ZDHHC18: variants seen among roughly 807,000 people sequenced by gnomAD.
The protein encoded by ZDHHC18 is palmitoyltransferase ZDHHC18.
In ZDHHC18, 23 loss-of-function variants were observed where a neutral mutation model predicts 37.5. That is an observed-to-expected ratio of 0.61 (90% CI 0.44 to 0.87). The LOEUF is 0.87. ZDHHC18 is among the 40% of genes least tolerant of loss of function. The probability of loss-of-function intolerance (pLI) is 0.00; values close to 1 mark genes in which losing one functional copy is unlikely to be tolerated. For synonymous variants in ZDHHC18, 185 were observed against 218.7 expected, an observed-to-expected ratio of 0.85 and a Z score of 1.36; for missense variants, 406 against 525.6, an observed-to-expected ratio of 0.77 and a Z score of 2.22.
intron 2 of ZDHHC18, among the ~76,000 whole-genome samples, chr1:26,842,826 A>G (rs2081645455): frequency 6.6e-6 from 1 of 152,256 alleles, no homozygotes; most frequent in Non-Finnish European, 1.5e-5. Flanking sequence ...TGCCTGGCAC[A>G]TTGGTAGGCA....
At position 26,840,543 on chromosome 1, in the gene ZDHHC18, C is replaced by T. The variant is rs183370365; in HGVS notation, c.496+7936C>T. ...TCAACTTCCACCTCCTGGGTTCAAG[C>T]GATTCTTCCTGCCTCAGCCTCCCGA... On this transcript the variant is annotated intron_variant, in intron 2 of 7. Coordinates refer to ENST00000374142, the MANE Select transcript of ZDHHC18 (RefSeq NM_032283.3). 8.6e-5 allele frequency among the ~76,000 whole-genome samples: 13 copies of T among 151,278 alleles called. No homozygotes were observed. The East Asian group carries it at 2.2e-3, about 25-fold the overall frequency.
At chr1:26,851,424 C>A (rs181714699) in intron 6 of ZDHHC18, among the ~76,000 whole-genome samples, 193 bp downstream of exon 6, 1 of 152,352 alleles carries the variant, frequency 6.6e-6, no homozygotes, top group East Asian at 1.9e-4. Flanking sequence ...GACACCTCCA[C>A]ATGCTTCATT....
intron 7 of ZDHHC18, 141 bp downstream of exon 7, chr1:26,853,006 G>A (rs895199380): frequency 5.0e-5 from 32 of 642,494 alleles, no homozygotes; most frequent in African/African-American, 4.4e-4. Context: ...GTCATGTGAC[G>A]GAATTCCATG....
At position 26,850,377 on chromosome 1, in the gene ZDHHC18, T is replaced by G; in HGVS notation, c.723T>G (p.Ile241Met). ...ACTATCGCTTCTTCTACGCGTTTAT[T>G]CTCTCCCTCTCATTCCTGACGGCCT... ...RRNYRFFYAF[I>M]LSLSFLTAFI... The change falls in exon 4 of 8, where the codon ATT becomes ATG. Residue 241 changes from isoleucine to methionine, a missense_variant. Physicochemically the swap from Ile to Met is conservative, Grantham distance 10. Coordinates refer to ENST00000374142, the MANE Select transcript of ZDHHC18 (RefSeq NM_032283.3). This position sits in a 1 kb window ranked among gnomAD's most constrained non-coding sequence, Gnocchi z 6.1. The G allele has an allele frequency of 6.2e-7, 1 of 1,614,248 alleles. No homozygotes were observed. Among genetic ancestry groups the G allele is most frequent in the Non-Finnish European group, 8.5e-7 (1 of 1,180,042 alleles).
chr1:26,853,596 C>T (rs552788470), intron 7 of ZDHHC18, 130 bp from the exon 8 acceptor site: 2 of 870,406 alleles, frequency 2.3e-6, no homozygotes, highest in Admixed American at 2.1e-5. Context: ...AGATGGGCAG[C>T]AGCTCTCCTT....
Position 26,850,221 on chromosome 1 carries a change from A to G in ZDHHC18, c.647-80A>G, listed in dbSNP as rs1485750739. The stretch of plus-strand genomic sequence containing the variant: ...AGAGTGAACGGGGTAGGAAAGCCCC[A>G]GCCATGGGTGAGGCCGCCAAATGCC... On this transcript the variant is annotated intron_variant, in intron 3 of 7. Transcript: ENST00000374142. The surrounding 1 kb of genome is among the most constrained non-coding windows in gnomAD (Gnocchi z 6.1). 1 of 1,546,974 alleles carries G rather than the reference A, an allele frequency of 6.5e-7. No individual in the cohort carries two copies. The highest frequency in any genetic ancestry group is 8.8e-7 in the Non-Finnish European group (1 of 1,142,068).
rs1332626918 is a variant in ZDHHC18, at chr1:26,856,541, G to A, written c.*2698G>A. Reference sequence around the variant, plus strand: ...AAGAGGAGGTGGAGGGTGAGGCTGGGGAGAGGATGGCGAACCTGCCCTGAG... The same window carrying A: ...AAGAGGAGGTGGAGGGTGAGGCTGGAGAGAGGATGGCGAACCTGCCCTGAG... On this transcript the variant is annotated 3_prime_UTR_variant, in exon 8 of 8. Transcript: ENST00000374142. This position sits in a 1 kb window ranked among gnomAD's most constrained non-coding sequence, Gnocchi z 5.2. 1.5e-5 allele frequency: 3 copies of A among 206,848 alleles called. No individual in the cohort carries two copies. The highest frequency in any genetic ancestry group is 1.4e-4 in the Admixed American group (3 of 20,754). 12.8% of individuals were successfully genotyped at this position (206,848 alleles called of 1,614,324 possible). A position where few individuals can be genotyped will look rare whatever the true frequency, so the allele number is the denominator to read the frequency against.
chr1:26,850,990 T>C lies in ZDHHC18; in HGVS notation c.834-139T>C. ...CCCAGGAGGTGATCCTGCTAAGAAG[T>C]GGGGACTGGGCCACAGGAAGGTTCC... On this transcript the variant is annotated intron_variant, in intron 5 of 7. Transcript: ENST00000374142. This position sits in a 1 kb window ranked among gnomAD's most constrained non-coding sequence, Gnocchi z 6.1. 1 of 774,592 alleles carries C rather than the reference T, an allele frequency of 1.3e-6. No homozygotes were observed. The highest frequency in any genetic ancestry group is 2.2e-6 in the Non-Finnish European group (1 of 464,486). The allele number at this position is 774,592 out of a possible 1,614,324, so 48.0% of individuals were successfully genotyped here.
chr1:26,846,274 G>A (rs1264415928), intron 2 of ZDHHC18, among the ~76,000 whole-genome samples: 19 of 70,024 alleles, frequency 2.7e-4, no homozygotes, highest in African/African-American at 9.8e-4. Flanking sequence ...AGAGATATAT[G>A]TGTGTGTGTG....
chr1:26,832,384 G>C, intron 1 of ZDHHC18, 63 bp from the exon 2 acceptor site: 2 of 1,596,988 alleles, frequency 1.3e-6, no homozygotes, highest in Non-Finnish European at 1.7e-6. Context: ...GCCACGTGCT[G>C]TAGCCCTGTG....
chr1:26,833,364 T>C (rs2081596624), intron 2 of ZDHHC18, among the ~76,000 whole-genome samples: 2 of 152,132 alleles, frequency 1.3e-5, no homozygotes, highest in African/African-American at 4.8e-5. Flanking sequence ...AGATGAGGGC[T>C]TGACGGTGGG....
rs2081738975 is a variant in ZDHHC18 at position 26,857,199 on chromosome 1, G to A, written c.*3356G>A. ...GTGAGGTGTCAAGACTAGGAATCTG[G>A]CCTTAGAGCCTGCCCCTCCACCCCC... On this transcript the variant is annotated 3_prime_UTR_variant, in exon 8 of 8. Transcript: ENST00000374142. 1 of 152,362 alleles carries A rather than the reference G, an allele frequency of 6.6e-6. No individual in the cohort carries two copies. The highest frequency in any genetic ancestry group is 2.1e-4 in the South Asian group (1 of 4,838). The allele number at this position is 152,362 out of a possible 1,614,324, so 9.4% of individuals were successfully genotyped here.
Position 26,850,218 on chromosome 1 carries a change from C to T in ZDHHC18, c.647-83C>T. ...GCGAGAGTGAACGGGGTAGGAAAGC[C>T]CCAGCCATGGGTGAGGCCGCCAAAT... On this transcript the variant is annotated intron_variant, in intron 3 of 7. Coordinates refer to ENST00000374142, the MANE Select transcript of ZDHHC18 (RefSeq NM_032283.3). This position sits in a 1 kb window ranked among gnomAD's most constrained non-coding sequence, Gnocchi z 6.1. 1 of 1,538,858 alleles carries T rather than the reference C, an allele frequency of 6.5e-7. No individual in the cohort carries two copies. Among genetic ancestry groups the T allele is most frequent in the Non-Finnish European group, 8.8e-7 (1 of 1,136,936 alleles).
At chr1:26,849,229 G>A (rs1467420784) in intron 3 of ZDHHC18, among the ~76,000 whole-genome samples, 1 of 152,194 alleles carries the variant, frequency 6.6e-6, no homozygotes, top group African/African-American at 2.4e-5. Context: ...AAGCTGATGA[G>A]GTGCAGAGGA....
chr1:26,845,533 A>G (rs1482011734), intron 2 of ZDHHC18, among the ~76,000 whole-genome samples: 2 of 150,622 alleles, frequency 1.3e-5, no homozygotes, highest in Non-Finnish European at 3.0e-5. Flanking sequence ...GGATTTCACC[A>G]TGTTGGCCAG....
intron 1 of ZDHHC18, among the ~76,000 whole-genome samples, chr1:26,829,266 A>C (rs538048542): frequency 3.3e-5 from 5 of 152,224 alleles, no homozygotes; most frequent in Non-Finnish European, 4.4e-5. Context: ...GGATTGTTGC[A>C]CAGGCCTCCA....
At position 26,844,676 on chromosome 1, in the gene ZDHHC18, T is replaced by A. The variant is rs180819340; in HGVS notation, c.497-3932T>A. 2.0e-3 allele frequency among the ~76,000 whole-genome samples: 309 copies of A among 152,350 alleles called. 1 individual carries two copies. Among genetic ancestry groups the A allele is most frequent in the Non-Finnish European group, 3.2e-3 (217 of 68,028 alleles). ...GAGATTTCTAGTTGCTCTACTTTTT[T>A]ACCAACACTTGGTATGTTTTATTTT... On this transcript the variant is annotated intron_variant, in intron 2 of 7. Transcript: ENST00000374142.
chr1:26,835,748 T>C (rs2081608704), intron 2 of ZDHHC18, among the ~76,000 whole-genome samples: 1 of 152,156 alleles, frequency 6.6e-6, no homozygotes. Flanking sequence ...TGATCAGGAC[T>C]AAGATCACTG....
At chr1:26,846,310 ATTTTTTTTTTTTTTTTT>A (rs56921528) in intron 2 of ZDHHC18, among the ~76,000 whole-genome samples, 5 of 43,608 alleles carry the variant, frequency 1.1e-4, no homozygotes, top group African/African-American at 4.6e-4. Context: ...ATATATATAT[ATTTTTTTTTTTTTTTTT>A]TTTTTTTTTT....
Sources: allele counts gnomAD v4.1 joint callset (sites outside exome capture counted in the v4.1 genomes callset), GRCh38; gene constraint gnomAD v4.1.1; non-coding constraint Gnocchi (gnomAD v3.1); transcripts MANE v1.5; gene names NCBI Gene and HGNC (gene_info 2026-07-23, HGNC 2026-07-21).